The following WDHD1 variants were observed in gnomAD, a reference collection of about 807,000 sequenced individuals.
WDHD1 encodes WD repeat and HMG-box DNA-binding protein 1.
A neutral mutation model predicts 135.4 loss-of-function variants in WDHD1; 111 were observed. That is an observed-to-expected ratio of 0.82 (90% CI 0.70 to 0.96). WDHD1 has a LOEUF of 0.96. Ranked by LOEUF, WDHD1 falls within the 40% of genes least tolerant of loss-of-function variation. The pLI, the probability that WDHD1 is intolerant of heterozygous loss-of-function variation, is 0.00. For missense variants in WDHD1, 1,351 were observed against 1,336.3 expected, an observed-to-expected ratio of 1.01 and a Z score of -0.17; for synonymous variants, 434 against 439.0, an observed-to-expected ratio of 0.99 and a Z score of 0.14.
rs1200451659 is a variant in WDHD1 at position 55,022,172 on chromosome 14, G to A, written c.77+4539C>T. On this transcript the variant is annotated intron_variant, in intron 2 of 25. Coordinates refer to ENST00000360586, the MANE Select transcript of WDHD1 (RefSeq NM_007086.4). ...TTTAAAGGCAGTCCCTTACTAGCAA[G>A]ATACTTTCTGACTTCAGGCACAAAG... Among the ~76,000 whole-genome samples, 8 of 152,316 alleles carry A rather than the reference G, an allele frequency of 5.3e-5. No homozygotes were observed. The South Asian group carries it at 1.7e-3, about 32-fold the overall frequency.
intron 21 of WDHD1, 21 bp from the exon 22 acceptor site, chr14:54,957,656 T>C: frequency 6.3e-7 from 1 of 1,598,616 alleles, no homozygotes; most frequent in Non-Finnish European, 8.5e-7. Context: ...AAAGAAACCC[T>C]TGCTTAATAA....
rs986581993 is a variant in WDHD1, at chr14:54,982,298, C to T, written c.1907-602G>A. Among the ~76,000 whole-genome samples the T allele has an allele frequency of 5.3e-5, 8 of 152,050 alleles. No individual in the cohort carries two copies. In the South Asian group the frequency reaches 6.2e-4, roughly 12 times the overall value. On this transcript the variant is annotated intron_variant, in intron 15 of 25. Transcript: ENST00000360586. ...TGCTGGGATTACAGGCGTGAGCCACCGCGCCCGGCCGATAATAATTTTAAA... is the reference window on the plus strand; with the variant it reads ...TGCTGGGATTACAGGCGTGAGCCACTGCGCCCGGCCGATAATAATTTTAAA...
chr14:55,018,034 C>T (rs1470394402), intron 2 of WDHD1, among the ~76,000 whole-genome samples: 2 of 152,062 alleles, frequency 1.3e-5, no homozygotes, highest in Non-Finnish European at 2.9e-5. Flanking sequence ...TAATTAAATA[C>T]ACAAAAAATA....
At chr14:54,996,184 A>G (rs1018042580) in intron 10 of WDHD1, among the ~76,000 whole-genome samples, 1 of 152,190 alleles carries the variant, frequency 6.6e-6, no homozygotes, top group Non-Finnish European at 1.5e-5. Flanking sequence ...ACAGTCTCTC[A>G]TTTACTTTTA....
intron 24 of WDHD1, among the ~76,000 whole-genome samples, chr14:54,950,871 A>G (rs78051477): frequency 3.3e-5 from 5 of 152,214 alleles, no homozygotes; most frequent in African/African-American, 9.6e-5. Flanking sequence ...CCACATGGAA[A>G]CTGAACAACC....
intron 2 of WDHD1, among the ~76,000 whole-genome samples, chr14:55,022,752 A>C (rs1425385548): frequency 6.7e-6 from 1 of 149,436 alleles, no homozygotes; most frequent in East Asian, 1.9e-4. Context: ...GATTTTCGTA[A>C]TGGTGTCTGG....
chr14:54,948,950 A>G (rs527881020), intron 24 of WDHD1, among the ~76,000 whole-genome samples: 12 of 152,212 alleles, frequency 7.9e-5, no homozygotes, highest in Admixed American at 5.2e-4. Context: ...CCTGACTGTT[A>G]GAAGGAAAAC....
Position 54,942,210 on chromosome 14 carries a change from C to T in WDHD1, c.3190-520G>A, listed in dbSNP as rs1336287393. Among the ~76,000 whole-genome samples the T allele has an allele frequency of 2.0e-5, 3 of 151,754 alleles. No homozygotes were observed. The East Asian group carries it at 5.8e-4, about 29-fold the overall frequency. Reference sequence around the variant, plus strand: ...AGCCTGCAGTGAGCTGAGATCACGCCACTGCACTCCAGCCTGGGCGAGAGC... The same window carrying T: ...AGCCTGCAGTGAGCTGAGATCACGCTACTGCACTCCAGCCTGGGCGAGAGC... On this transcript the variant is annotated intron_variant, in intron 25 of 25. Transcript: ENST00000360586.
intron 2 of WDHD1, among the ~76,000 whole-genome samples, chr14:55,023,786 T>C (rs1161363605): frequency 6.6e-6 from 1 of 152,250 alleles, no homozygotes; most frequent in East Asian, 1.9e-4. Context: ...AGGAGGTGGC[T>C]ATGAAATTAT....
At chr14:54,982,242 C>T (rs2041630702) in intron 15 of WDHD1, among the ~76,000 whole-genome samples, 1 of 152,090 alleles carries the variant, frequency 6.6e-6, no homozygotes, top group Admixed American at 6.5e-5. Flanking sequence ...ATCTCCTGAC[C>T]TTGTGATCCA....
rs1019559627 is a variant in WDHD1 at position 54,941,539 on chromosome 14, T to C, written c.3341A>G (p.Asp1114Gly). Residue 1114 changes from aspartate to glycine, a missense_variant, in exon 26 of 26, where the codon GAT becomes GGT. By Grantham distance (94) the Asp-to-Gly change is moderately conservative (BLOSUM62 -1). Transcript: ENST00000360586. ...LNLSKKQKPL[D>G]FSTNQKLSAF... ...TGATAGTTTCTGATTTGTAGAAAAA[T>C]CTAAAGGTTTCTGCTTTTTAGACAA... 1.5e-5 allele frequency: 25 copies of C among 1,613,596 alleles called. No homozygotes were observed. Among genetic ancestry groups the C allele is most frequent in the Non-Finnish European group, 2.1e-5 (25 of 1,179,932 alleles).
At chr14:54,953,982 G>C (rs1247648231) in intron 24 of WDHD1, among the ~76,000 whole-genome samples, 1 of 152,086 alleles carries the variant, frequency 6.6e-6, no homozygotes, top group African/African-American at 2.4e-5. Flanking sequence ...TGGGGTGGGG[G>C]AAGTAGGGAG....
rs2041970121 is a variant in WDHD1 at position 55,000,906 on chromosome 14, T to A, written c.780A>T (p.Glu260Asp). Residue 260 changes from glutamate (E) to aspartate (D), a missense_variant, in exon 9 of 26, where the codon GAA becomes GAT. Physicochemically the swap from Glu to Asp is conservative, Grantham distance 45. Transcript: ENST00000360586. ...INGLIIVWNVETKDCMERVKH... is the reference protein window; with the variant it reads ...INGLIIVWNVDTKDCMERVKH... ...CATACCTTTCCATGCAGTCTTTGGT[T>A]TCCACATTCCAAACTATGATTAGAC... 2 of 1,581,988 alleles carry A rather than the reference T, an allele frequency of 1.3e-6. No individual in the cohort carries two copies. Among genetic ancestry groups the A allele is most frequent in the South Asian group, 2.4e-5 (2 of 83,446 alleles).
chr14:55,003,066 C>T (rs1381925926), intron 7 of WDHD1, among the ~76,000 whole-genome samples: 1 of 151,964 alleles, frequency 6.6e-6, no homozygotes, highest in Non-Finnish European at 1.5e-5. Context: ...GTATTCTTTC[C>T]ATGATTATCC....
At chr14:54,952,054 T>G (rs1486700588) in intron 24 of WDHD1, among the ~76,000 whole-genome samples, 1 of 152,164 alleles carries the variant, frequency 6.6e-6, no homozygotes, top group Non-Finnish European at 1.5e-5. Flanking sequence ...GGGCAAAAAC[T>G]GGAAGCATTC....
chr14:55,013,901 T>C (rs111261144), intron 2 of WDHD1, among the ~76,000 whole-genome samples: 1 of 152,140 alleles, frequency 6.6e-6, no homozygotes, highest in African/African-American at 2.4e-5. Context: ...AGCAAGACTC[T>C]ATCTCAAGGA....
intron 7 of WDHD1, chr14:55,005,387 C>A: frequency 1.8e-6 from 1 of 566,696 alleles, no homozygotes; most frequent in Non-Finnish European, 3.4e-6. Flanking sequence ...AGTGAAGCAG[C>A]CAGCAACTGG....
intron 22 of WDHD1, 126 bp from the exon 23 acceptor site, chr14:54,957,330 T>C: frequency 9.5e-7 from 1 of 1,056,758 alleles, no homozygotes; most frequent in Non-Finnish European, 1.4e-6. Context: ...CTAAATACAT[T>C]TGGTACAATC....
In WDHD1 at chr14:54,957,632, G is replaced by A; in HGVS notation, c.2705C>T (p.Ala902Val). 6.2e-7 allele frequency: 1 copy of A among 1,605,952 alleles called. No homozygotes were observed. The highest frequency in any genetic ancestry group is 8.5e-7 in the Non-Finnish European group (1 of 1,177,806). The change falls in exon 22 of 26, where the codon GCA becomes GTA. Residue 902 changes from alanine to valine, a missense_variant. Coordinates refer to ENST00000360586, the MANE Select transcript of WDHD1 (RefSeq NM_007086.4). ...TCGTCCTTGGCTGCTAAAGGTAACTGCACCTTTCACAAAAAAGAAACCCTT... is the reference window on the plus strand; with the variant it reads ...TCGTCCTTGGCTGCTAAAGGTAACTACACCTTTCACAAAAAAGAAACCCTT... ...NSSDVSAKSG[A>V]VTFSSQGRVN...
Sources: gnomAD v4.1 joint callset for allele counts (sites outside exome capture counted in the v4.1 genomes callset) on GRCh38, gnomAD v4.1.1 for gene constraint, MANE v1.5 for transcripts, NCBI Gene and HGNC (gene_info 2026-07-23, HGNC 2026-07-21) for gene names.